MYBL2: variants seen among roughly 807,000 people sequenced by gnomAD.
MYBL2 encodes myb-related protein B.
MYBL2 carries 28 observed loss-of-function variants against 79.9 expected under a neutral mutation model. That is an observed-to-expected ratio of 0.35 (90% CI 0.26 to 0.48). MYBL2 has a LOEUF of 0.48. MYBL2 is among the 20% of genes least tolerant of loss of function. MYBL2 has a pLI of 0.99. For synonymous variants in MYBL2, 378 were observed against 361.2 expected (o/e 1.05, Z -0.53); for missense variants, 735 against 893.9 (o/e 0.82, Z 2.27).
intron 2 of MYBL2, among the ~76,000 whole-genome samples, chr20:43,676,696 A>G (rs536693552): frequency 8.5e-5 from 13 of 152,164 alleles, no homozygotes; most frequent in Non-Finnish European, 1.9e-4. Context: ...GTCATGGGGT[A>G]GGTGTATGTT....
chr20:43,713,062 G>C lies in MYBL2; in HGVS notation c.1780G>C (p.Asp594His), dbSNP rs757383429. The C allele has an allele frequency of 2.5e-5, 41 of 1,613,354 alleles. No individual in the cohort carries two copies. In the Middle Eastern group the frequency reaches 4.9e-4, roughly 19 times the overall value. ...TCTGGCTCTTGACATTGTGGATGAGGATGTGAAGCTGATGATGTCCACACT... is the reference window on the plus strand; with the variant it reads ...TCTGGCTCTTGACATTGTGGATGAGCATGTGAAGCTGATGATGTCCACACT... ...KSLALDIVDE[D>H]VKLMMSTLPK... Residue 594 changes from aspartate to histidine, a missense_variant, in exon 12 of 14, where the codon GAT becomes CAT. Physicochemically the swap from Asp to His is moderately conservative, Grantham distance 81 (BLOSUM62 -1). Around this residue, in one of 5 missense-constraint regions of MYBL2, gnomAD observed 204 missense variants for 202.9 expected, o/e 1.01. Transcript: ENST00000217026.
At chr20:43,697,084 T>G (rs1987563016) in intron 6 of MYBL2, among the ~76,000 whole-genome samples, 1 of 127,308 alleles carries the variant, frequency 7.9e-6, no homozygotes, top group Non-Finnish European at 1.7e-5. Context: ...GAAGTTTTCA[T>G]AAGCATTGCC....
At chr20:43,687,151 G>A in intron 5 of MYBL2, 79 bp downstream of exon 5, 1 of 1,425,050 alleles carries the variant, frequency 7.0e-7, no homozygotes, top group Non-Finnish European at 9.6e-7. Flanking sequence ...GTTCCTGGGT[G>A]GGTATTGTGG....
intron 4 of MYBL2, among the ~76,000 whole-genome samples, 191 bp from the exon 5 acceptor site, chr20:43,686,661 C>T (rs1251315853): frequency 1.3e-5 from 2 of 152,178 alleles, no homozygotes; most frequent in African/African-American, 4.8e-5. Flanking sequence ...CGGTCAGATC[C>T]TCAGGTAGGC....
chr20:43,700,534 G>A (rs62226231), intron 7 of MYBL2, among the ~76,000 whole-genome samples: 4,090 of 152,224 alleles, frequency 0.027, 72 homozygotes, highest in Non-Finnish European at 0.037. Flanking sequence ...CTGTGTGGTT[G>A]TGTCCTTTGA....
At chr20:43,681,709 T>G (rs1987146760) in intron 2 of MYBL2, 75 bp from the exon 3 acceptor site, 1 of 1,447,652 alleles carries the variant, frequency 6.9e-7, no homozygotes, top group East Asian at 2.3e-5. Context: ...TCTTTTAGAT[T>G]GGGCTCTGTC....
Position 43,715,491 on chromosome 20 carries a change from C to T in MYBL2, c.1974+208C>T, listed in dbSNP as rs547233106. 4.6e-5 allele frequency among the ~76,000 whole-genome samples: 7 copies of T among 152,348 alleles called. No individual in the cohort carries two copies. The East Asian group carries it at 1.3e-3, about 29-fold the overall frequency. Reference sequence around the variant, plus strand: ...TCTTCTGATTTCAGTCTCAATGCTGCTTCCTTAGGGGTAAGCCTTCTCTGA... The same window carrying T: ...TCTTCTGATTTCAGTCTCAATGCTGTTTCCTTAGGGGTAAGCCTTCTCTGA... On this transcript the variant is annotated intron_variant, in intron 13 of 13. Coordinates refer to ENST00000217026, the MANE Select transcript of MYBL2 (RefSeq NM_002466.4).
intron 9 of MYBL2, among the ~76,000 whole-genome samples, chr20:43,709,075 C>T (rs977097263): frequency 1.1e-4 from 16 of 152,254 alleles, no homozygotes; most frequent in Admixed American, 2.0e-4. Flanking sequence ...TGGCCAGCTG[C>T]GGGAAGTGGA....
chr20:43,694,143 T>A (rs1437121920), intron 6 of MYBL2, among the ~76,000 whole-genome samples: 1 of 151,972 alleles, frequency 6.6e-6, no homozygotes, highest in African/African-American at 2.4e-5. Context: ...CCATCCTGGC[T>A]AACACGGTGA....
intron 1 of MYBL2, among the ~76,000 whole-genome samples, chr20:43,671,915 ATAT>A (rs1488811246): frequency 2.0e-5 from 3 of 150,860 alleles, no homozygotes; most frequent in Non-Finnish European, 4.4e-5. Context: ...GCGTTAGAAG[ATAT>A]TGTACACTGG....
At chr20:43,674,427 C>T (rs1003821520) in intron 2 of MYBL2, among the ~76,000 whole-genome samples, 1 of 151,120 alleles carries the variant, frequency 6.6e-6, no homozygotes, top group African/African-American at 2.4e-5. Context: ...CGCTTTGTCA[C>T]CCAGGCTGGA....
At chr20:43,677,119 G>A (rs980330153) in intron 2 of MYBL2, among the ~76,000 whole-genome samples, 3 of 152,124 alleles carry the variant, frequency 2.0e-5, no homozygotes, top group South Asian at 2.1e-4. Flanking sequence ...TTCCAGATGC[G>A]TGCTAAGCAA....
rs1027852312 is a variant in MYBL2, at chr20:43,716,177, C to T, written c.*90C>T. 17 of 1,576,582 alleles carry T rather than the reference C, an allele frequency of 1.1e-5. No individual in the cohort carries two copies. Among genetic ancestry groups the T allele is most frequent in the African/African-American group, 1.4e-5 (1 of 73,762 alleles). On this transcript the variant is annotated 3_prime_UTR_variant, in exon 14 of 14. Coordinates refer to ENST00000217026, the MANE Select transcript of MYBL2 (RefSeq NM_002466.4). Reference sequence around the variant, plus strand: ...TGAATCTGAGAGTCATTCAGGTGACCTCCTGCAGGGAGCCTTCTGCCACCA... The same window carrying T: ...TGAATCTGAGAGTCATTCAGGTGACTTCCTGCAGGGAGCCTTCTGCCACCA...
rs192318643 is a variant in MYBL2, at chr20:43,714,776, G to A, written c.1825-358G>A. 1.5e-3 allele frequency among the ~76,000 whole-genome samples: 226 copies of A among 152,070 alleles called. 1 individual carries two copies. Among genetic ancestry groups the A allele is most frequent in the African/African-American group, 5.1e-3 (212 of 41,458 alleles). ...CTCCCAAGTAGCTGGGACAACAGGC[G>A]CCCACCACCACACCCAGCTAATTTT... On this transcript the variant is annotated intron_variant, in intron 12 of 13. Coordinates refer to ENST00000217026, the MANE Select transcript of MYBL2 (RefSeq NM_002466.4).
intron 9 of MYBL2, among the ~76,000 whole-genome samples, chr20:43,707,326 G>T (rs1206080762): frequency 6.6e-6 from 1 of 152,082 alleles, no homozygotes; most frequent in African/African-American, 2.4e-5. Context: ...CTTAAACAGA[G>T]ATGCTGTCAC....
chr20:43,708,501 A>G (rs1987838370), intron 9 of MYBL2, among the ~76,000 whole-genome samples: 1 of 151,948 alleles, frequency 6.6e-6, no homozygotes, highest in Non-Finnish European at 1.5e-5. Flanking sequence ...TGGTGCAATC[A>G]TGGCTCACTG....
intron 6 of MYBL2, among the ~76,000 whole-genome samples, chr20:43,698,033 T>C (rs902550448): frequency 4.0e-5 from 6 of 150,856 alleles, no homozygotes; most frequent in Non-Finnish European, 8.8e-5. Context: ...ACCCCTTAAT[T>C]TGTTAATTTG....
Position 43,711,606 on chromosome 20 carries a change from G to A in MYBL2, c.1719+5G>A. The A allele has an allele frequency of 2.5e-6, 4 of 1,609,474 alleles. No homozygotes were observed. Among genetic ancestry groups the A allele is most frequent in the Non-Finnish European group, 2.5e-6 (3 of 1,177,702 alleles). On this transcript the variant is annotated splice_donor_5th_base_variant and intron_variant, in intron 11 of 13. Coordinates refer to ENST00000217026, the MANE Select transcript of MYBL2 (RefSeq NM_002466.4). The stretch of plus-strand genomic sequence containing the variant: ...AAGCAGAAGAGGAAGCCTGGGGTGA[G>A]TAGGGTAGGGGTGGGAGAGCCTGGG...
intron 5 of MYBL2, among the ~76,000 whole-genome samples, chr20:43,689,370 T>A (rs1987353454): frequency 6.6e-6 from 1 of 152,182 alleles, no homozygotes; most frequent in Non-Finnish European, 1.5e-5. Context: ...AAACTCTGGC[T>A]TCTTTCCCCC....
Sources: allele counts gnomAD v4.1 joint callset (sites outside exome capture counted in the v4.1 genomes callset), GRCh38; gene constraint gnomAD v4.1.1; regional missense constraint gnomAD v4.1.1; transcripts MANE v1.5; gene names NCBI Gene and HGNC (gene_info 2026-07-23, HGNC 2026-07-21).